Variants in DLG2 observed in about 807,000 individuals in gnomAD.
The protein encoded by DLG2 is disks large homolog 2.
A neutral mutation model predicts 132.5 loss-of-function variants in DLG2; 45 were observed. That is an observed-to-expected ratio of 0.34 (90% CI 0.27 to 0.44). The LOEUF (loss-of-function observed/expected upper bound fraction) is 0.44. DLG2 is among the 20% of genes least tolerant of loss of function. DLG2 has a pLI of 1.00. For missense variants in DLG2, 1,045 were observed against 1,196.9 expected, an observed-to-expected ratio of 0.87 and a Z score of 1.87; for synonymous variants, 424 against 419.6, an observed-to-expected ratio of 1.01 and a Z score of -0.13.
chr11:83,483,471 T>C (rs1303980520), intron 22 of DLG2, among the ~76,000 whole-genome samples: 1 of 152,074 alleles, frequency 6.6e-6, no homozygotes, highest in Non-Finnish European at 1.5e-5. Context: ...CTCCTTGAGC[T>C]GAGATTCAAG....
chr11:85,007,906 GA>G (rs1327002854), intron 6 of DLG2, among the ~76,000 whole-genome samples: 1 of 151,978 alleles, frequency 6.6e-6, no homozygotes, highest in Non-Finnish European at 1.5e-5. Context: ...TACCTTACCT[GA>G]AATCCTTAGG....
chr11:84,265,693 G>T (rs1567118507), intron 7 of DLG2, among the ~76,000 whole-genome samples: 1 of 151,828 alleles, frequency 6.6e-6, no homozygotes, highest in Non-Finnish European at 1.5e-5. Flanking sequence ...AAGGAAGATA[G>T]GTAGTAGTAG....
chr11:84,693,406 T>C (rs1408780091), intron 6 of DLG2, among the ~76,000 whole-genome samples: 1 of 151,730 alleles, frequency 6.6e-6, no homozygotes, highest in Non-Finnish European at 1.5e-5. Context: ...TGACATGTCA[T>C]GAAGGCAAAA....
At chr11:83,621,932 T>C (rs1268280502) in intron 19 of DLG2, among the ~76,000 whole-genome samples, 5 of 152,164 alleles carry the variant, frequency 3.3e-5, no homozygotes, top group Non-Finnish European at 7.4e-5. Flanking sequence ...ACTGATTGAT[T>C]GAGACAGAGT....
intron 5 of DLG2, among the ~76,000 whole-genome samples, chr11:85,134,387 G>T (rs964914153): frequency 6.7e-6 from 1 of 149,766 alleles, no homozygotes; most frequent in African/African-American, 2.4e-5. Flanking sequence ...AAATTAGCCG[G>T]GCGTAGTGGC....
At chr11:83,823,463 C>G (rs6592144) in intron 17 of DLG2, among the ~76,000 whole-genome samples, 1 of 151,988 alleles carries the variant, frequency 6.6e-6, no homozygotes, top group Non-Finnish European at 1.5e-5. Context: ...AGGAATTCCT[C>G]TTAGTCAATT....
At chr11:83,537,246 C>T (rs1015040172) in intron 20 of DLG2, among the ~76,000 whole-genome samples, 4 of 152,210 alleles carry the variant, frequency 2.6e-5, no homozygotes, top group African/African-American at 7.2e-5. Context: ...CTCTCCCTCT[C>T]TCCCATCTGG....
intron 3 of DLG2, among the ~76,000 whole-genome samples, chr11:85,521,177 G>A (rs753472325): frequency 1.3e-5 from 2 of 152,196 alleles, no homozygotes; most frequent in African/African-American, 4.8e-5. Flanking sequence ...TAATCCCCAT[G>A]TGTTGGGTGA....
chr11:83,789,195 A>G (rs2040826935), intron 17 of DLG2, among the ~76,000 whole-genome samples: 1 of 152,198 alleles, frequency 6.6e-6, no homozygotes, highest in African/African-American at 2.4e-5. Context: ...GATTCTAAAT[A>G]AATCTTTTTA....
intron 5 of DLG2, among the ~76,000 whole-genome samples, chr11:85,144,735 G>C (rs2076732477): frequency 6.6e-6 from 1 of 151,738 alleles, no homozygotes; most frequent in Admixed American, 6.6e-5. Context: ...TATCCTCCAT[G>C]TTCTTTGACT....
At chr11:83,718,141 T>C (rs1593020560) in intron 18 of DLG2, among the ~76,000 whole-genome samples, 3 of 152,292 alleles carry the variant, frequency 2.0e-5, no homozygotes, top group Admixed American at 2.0e-4. Flanking sequence ...GTTTAAATTC[T>C]ATAGGTGCAC....
intron 7 of DLG2, among the ~76,000 whole-genome samples, chr11:84,359,878 T>A (rs1403875805): frequency 1.3e-5 from 2 of 151,940 alleles, no homozygotes; most frequent in Non-Finnish European, 2.9e-5. Flanking sequence ...TCTTGGCAAT[T>A]CAGTTCATCG....
chr11:84,979,887 C>T (rs1419932582), intron 6 of DLG2, among the ~76,000 whole-genome samples: 2 of 151,918 alleles, frequency 1.3e-5, no homozygotes, highest in Non-Finnish European at 2.9e-5. Flanking sequence ...TATGTGTTTA[C>T]TTGTGCAGCC....
chr11:83,829,902 C>G (rs959937946), intron 17 of DLG2, among the ~76,000 whole-genome samples: 1 of 152,092 alleles, frequency 6.6e-6, no homozygotes, highest in South Asian at 2.1e-4. Flanking sequence ...CCCACTTGCC[C>G]CACCATACGA....
At chr11:84,265,100 T>C (rs1219147318) in intron 7 of DLG2, among the ~76,000 whole-genome samples, 2 of 152,216 alleles carry the variant, frequency 1.3e-5, no homozygotes, top group East Asian at 1.9e-4. Flanking sequence ...GCTAATTAAT[T>C]TAATCTCTCT....
chr11:83,759,060 A>G (rs547824259), intron 18 of DLG2, among the ~76,000 whole-genome samples: 50 of 152,342 alleles, frequency 3.3e-4, no homozygotes, highest in African/African-American at 1.2e-3. Flanking sequence ...AATATCTAAT[A>G]TATTTCAGAC....
chr11:83,589,729 C>T (rs1433896482), intron 19 of DLG2, among the ~76,000 whole-genome samples: 2 of 151,432 alleles, frequency 1.3e-5, no homozygotes, highest in Non-Finnish European at 2.9e-5. Context: ...CAGCAGTGTG[C>T]TGTATTCAGG....
chr11:85,302,665 A>C (rs968038738), intron 3 of DLG2, among the ~76,000 whole-genome samples: 1 of 151,256 alleles, frequency 6.6e-6, no homozygotes, highest in African/African-American at 2.4e-5. Context: ...AAAAAAAAAA[A>C]CAGTCAGTTA....
At chr11:85,507,058 T>G (rs190708580) in intron 3 of DLG2, among the ~76,000 whole-genome samples, 2 of 152,260 alleles carry the variant, frequency 1.3e-5, no homozygotes, top group African/African-American at 4.8e-5. Flanking sequence ...TTTTCCATTT[T>G]GTTGGTAGAT....
Sources: gnomAD v4.1 joint callset for allele counts (sites outside exome capture counted in the v4.1 genomes callset) on GRCh38, gnomAD v4.1.1 for gene constraint, MANE v1.5 for transcripts, NCBI Gene and HGNC (gene_info 2026-07-23, HGNC 2026-07-21) for gene names.